The following MCTP1 variants were observed in gnomAD, a reference collection of about 807,000 sequenced individuals.
MCTP1 encodes the protein multiple C2 and transmembrane domain containing 1, also known as multiple C2 and transmembrane domain-containing protein 1.
A neutral mutation model predicts 120.6 loss-of-function variants in MCTP1; 69 were observed. The observed-to-expected ratio is 0.57, with a 90% CI of 0.47 to 0.70. The LOEUF (loss-of-function observed/expected upper bound fraction) is 0.70. MCTP1 is among the 30% of genes least tolerant of loss of function. The pLI is 0.00. For synonymous variants in MCTP1, 529 were observed against 493.1 expected, an observed-to-expected ratio of 1.07 and a Z score of -0.96; for missense variants, 1,203 against 1,248.8, an observed-to-expected ratio of 0.96 and a Z score of 0.55.
chr5:94,714,365 T>G (rs1474825041), intron 20 of MCTP1, among the ~76,000 whole-genome samples: 6 of 152,204 alleles, frequency 3.9e-5, no homozygotes, highest in Admixed American at 6.5e-5. Context: ...AAAAATTTAG[T>G]GTCACTTGAT....
intron 2 of MCTP1, among the ~76,000 whole-genome samples, chr5:95,005,675 T>C (rs375781656): frequency 7.2e-5 from 11 of 152,182 alleles, no homozygotes; most frequent in African/African-American, 2.6e-4. Flanking sequence ...CCCTTCACCT[T>C]CTACCATGAC....
intron 2 of MCTP1, among the ~76,000 whole-genome samples, chr5:94,986,929 A>G (rs907718325): frequency 6.6e-6 from 1 of 152,146 alleles, no homozygotes; most frequent in Admixed American, 6.6e-5. Flanking sequence ...TCAAGCCCCT[A>G]ATATAAAATG....
intron 19 of MCTP1, among the ~76,000 whole-genome samples, chr5:94,725,639 G>A (rs1476478604): frequency 6.6e-6 from 1 of 152,064 alleles, no homozygotes; most frequent in East Asian, 1.9e-4. Context: ...GAAGGAGGTG[G>A]GTACTAGATG....
intron 1 of MCTP1, among the ~76,000 whole-genome samples, chr5:95,177,967 A>G (rs971758048): frequency 6.6e-6 from 1 of 152,198 alleles, no homozygotes; most frequent in Non-Finnish European, 1.5e-5. Context: ...GTGCCTACAA[A>G]TCAAATTTCT....
At chr5:95,076,540 T>C (rs1346417609) in intron 1 of MCTP1, among the ~76,000 whole-genome samples, 1 of 152,122 alleles carries the variant, frequency 6.6e-6, no homozygotes, top group Admixed American at 6.5e-5. Context: ...TGACGAATGT[T>C]GAAACTGAGT....
intron 1 of MCTP1, among the ~76,000 whole-genome samples, chr5:95,035,148 G>A (rs760048883): frequency 1.3e-5 from 2 of 151,864 alleles, no homozygotes; most frequent in Admixed American, 6.6e-5. Context: ...CAATCTCTAC[G>A]GAAAATAGCA....
At position 94,868,270 on chromosome 5, in the gene MCTP1, A is replaced by G. The variant is rs1043798304; in HGVS notation, c.2436+63T>C. 5.5e-6 allele frequency: 8 copies of G among 1,442,154 alleles called. No individual in the cohort carries two copies. In the Admixed American group the frequency reaches 1.9e-4, roughly 34 times the overall value. The allele number at this position is 1,442,154 out of a possible 1,614,324, so 89.3% of individuals were successfully genotyped here. ...ACATAACTGTTACTATAGCCACAGA[A>G]ACATGCAGCTATGATTACTGAATTT... On this transcript the variant is annotated intron_variant, in intron 17 of 22. Coordinates refer to ENST00000515393, the MANE Select transcript of MCTP1 (RefSeq NM_024717.7).
intron 19 of MCTP1, among the ~76,000 whole-genome samples, chr5:94,727,542 T>C (rs973876699): frequency 3.3e-5 from 5 of 152,218 alleles, no homozygotes; most frequent in African/African-American, 1.2e-4. Context: ...ATAATATTTT[T>C]ACATGAAGCC....
At chr5:94,963,954 G>A (rs2347476) in intron 2 of MCTP1, among the ~76,000 whole-genome samples, 51,436 of 151,892 alleles carry the variant, frequency 0.34, 8,997 homozygotes, top group Middle Eastern at 0.42. Flanking sequence ...CAGGTCTTAC[G>A]TTTAAGTCTT....
chr5:94,887,559 A>T (rs1294312720), intron 12 of MCTP1, among the ~76,000 whole-genome samples: 1 of 152,184 alleles, frequency 6.6e-6, no homozygotes, highest in Non-Finnish European at 1.5e-5. Flanking sequence ...ACTAGAAAGA[A>T]ATTTCATAAG....
chr5:94,987,018 A>T (rs1455145609), intron 2 of MCTP1, among the ~76,000 whole-genome samples: 1 of 152,178 alleles, frequency 6.6e-6, no homozygotes, highest in Non-Finnish European at 1.5e-5. Context: ...TGCCAAATAC[A>T]ATGTAAAGGC....
At chr5:95,128,381 G>T (rs187710673) in intron 1 of MCTP1, among the ~76,000 whole-genome samples, 163 of 152,350 alleles carry the variant, frequency 1.1e-3, no homozygotes, top group African/African-American at 3.8e-3. Flanking sequence ...AAACATTCAT[G>T]TTAGCATTAT....
At chr5:94,784,238 T>C (rs1777154109) in intron 18 of MCTP1, among the ~76,000 whole-genome samples, 1 of 152,034 alleles carries the variant, frequency 6.6e-6, no homozygotes, top group Admixed American at 6.6e-5. Context: ...AGGGTAGTAT[T>C]CTTCAACACA....
intron 5 of MCTP1, among the ~76,000 whole-genome samples, chr5:94,932,736 A>G (rs1815119625): frequency 6.6e-6 from 1 of 152,018 alleles, no homozygotes; most frequent in East Asian, 1.9e-4. Context: ...AACCTTCCTG[A>G]TTAACCTCTT....
chr5:94,851,257 G>A (rs1218342946), intron 17 of MCTP1, among the ~76,000 whole-genome samples: 1 of 152,020 alleles, frequency 6.6e-6, no homozygotes, highest in East Asian at 1.9e-4. Flanking sequence ...CAACTCTAAA[G>A]AGAGTAGGTT....
chr5:95,273,935 T>C (rs951590642), intron 1 of MCTP1, among the ~76,000 whole-genome samples: 1 of 152,202 alleles, frequency 6.6e-6, no homozygotes, highest in Non-Finnish European at 1.5e-5. Flanking sequence ...TCTTTCCATC[T>C]TTCTGTCACC....
intron 1 of MCTP1, 36 bp from the exon 2 acceptor site, chr5:95,017,520 T>C (rs1215442076): frequency 7.1e-7 from 1 of 1,402,976 alleles, no homozygotes. Context: ...ATTAAATTTA[T>C]TATCTCTGTT....
chr5:95,254,209 G>A (rs1488039502), intron 1 of MCTP1, among the ~76,000 whole-genome samples: 1 of 152,100 alleles, frequency 6.6e-6, no homozygotes, highest in African/African-American at 2.4e-5. Context: ...CAGAAACAAT[G>A]ATTATATTGA....
chr5:94,720,143 AAAAAT>A, intron 19 of MCTP1, among the ~76,000 whole-genome samples: 1 of 151,910 alleles, frequency 6.6e-6, no homozygotes, highest in East Asian at 1.9e-4. Context: ...ATAAATAAAT[AAAAAT>A]AAAATAAAAA....
Sources: allele counts gnomAD v4.1 joint callset (sites outside exome capture counted in the v4.1 genomes callset), GRCh38; gene constraint gnomAD v4.1.1; transcripts MANE v1.5; gene names NCBI Gene and HGNC (gene_info 2026-07-23, HGNC 2026-07-21).